The following TTN variants were observed in gnomAD, a reference collection of about 807,000 sequenced individuals.
TTN encodes titin.
TTN carries 1,525 observed loss-of-function variants against 3,223.0 expected under a neutral mutation model. The ratio of observed to expected loss-of-function variants is 0.47; its 90% CI spans 0.45 to 0.49. The LOEUF is 0.49. Ranked by LOEUF, TTN falls within the 20% of genes least tolerant of loss-of-function variation. The probability of loss-of-function intolerance (pLI) is 0.00; values close to 1 mark genes in which losing one functional copy is unlikely to be tolerated. For missense variants in TTN, 40,786 were observed against 43,424.0 expected (o/e 0.94, Z 5.40); for synonymous variants, 14,094 against 15,161.0 (o/e 0.93, Z 5.17).
In TTN at chr2:178,562,876, A is replaced by C. The variant is rs1704199409; in HGVS notation, c.83256T>G (p.Ser27752Arg). 6.2e-7 allele frequency: 1 copy of C among 1,613,142 alleles called. No homozygotes were observed. Among genetic ancestry groups the C allele is most frequent in the Non-Finnish European group, 8.5e-7 (1 of 1,179,598 alleles). The change falls in exon 326 of 363, where the codon AGT becomes AGG. Residue 27752 changes from serine (S) to arginine (R), a missense_variant. By Grantham distance (110) the Ser-to-Arg change is moderately radical (BLOSUM62 -1). Transcript: ENST00000589042. The part of the protein sequence containing the change: ...GRYNLTLENN[S>R]GSKTAFVNVR... ...CGTTAACAAAAGCTGTTTTGGAGCC[A>C]CTATTATTTTCTAATGTCAGATTAT...
chr2:178,672,165 A>T lies in TTN; in HGVS notation c.35033T>A (p.Ile11678Asn). 1 of 1,592,990 alleles carries T rather than the reference A, an allele frequency of 6.3e-7. No individual in the cohort carries two copies. Residue 11678 changes from isoleucine to asparagine, a missense_variant, in exon 155 of 363, where the codon ATT becomes AAT. By Grantham distance (149) the Ile-to-Asn change is moderately radical. Transcript: ENST00000589042. Reference sequence around the variant, plus strand: ...TTCATGGAACTCTTCTTCTTCCGGAATTTCTTCCACTTCTGCTTCTACTAC... The same window carrying T: ...TTCATGGAACTCTTCTTCTTCCGGATTTTCTTCCACTTCTGCTTCTACTAC... ...LEVVEAEVEEIPEEEEFHEVE... is the reference protein window; with the variant it reads ...LEVVEAEVEENPEEEEFHEVE...
At chr2:178,594,802 G>A (rs994664308) in intron 295 of TTN, among the ~76,000 whole-genome samples, 156 bp from the exon 296 acceptor site, 2 of 152,056 alleles carry the variant, frequency 1.3e-5, no homozygotes, top group African/African-American at 2.4e-5. Context: ...AACTATTAGA[G>A]TTAAAAAGGA....
At chr2:178,707,911 GTAACAC>G in intron 99 of TTN, 98 bp from the exon 100 acceptor site, 1 of 1,242,554 alleles carries the variant, frequency 8.0e-7, no homozygotes, top group Non-Finnish European at 1.1e-6. Context: ...CCTCTAACAG[GTAACAC>G]TGTTGCTGTA....
In TTN at chr2:178,767,876, G is replaced by A. The variant is rs1369897789; in HGVS notation, c.9354C>T (p.Ser3118=). The A allele has an allele frequency of 3.1e-6, 5 of 1,613,970 alleles. No homozygotes were observed. Among genetic ancestry groups the A allele is most frequent in the Middle Eastern group, 1.6e-4 (1 of 6,082 alleles). The change falls in exon 40 of 363, where the codon TCC becomes TCT. Residue 3118 remains serine (S), a synonymous_variant. Coordinates refer to ENST00000589042, the MANE Select transcript of TTN (RefSeq NM_001267550.2). The part of the protein sequence containing the change: ...EKYVHRLLIP[S]TRMSDAGKYT... The stretch of plus-strand genomic sequence containing the variant: ...ACTTCCCAGCATCAGACATCCGGGT[G>A]GATGGGATCAGAAGGCGGTGGACAT...
chr2:178,642,524 A>G (rs2061376714), intron 218 of TTN, among the ~76,000 whole-genome samples: 1 of 152,004 alleles, frequency 6.6e-6, no homozygotes, highest in Non-Finnish European at 1.5e-5. Flanking sequence ...ATGAAATTCA[A>G]CTCCATTAAC....
chr2:178,531,390 A>T lies in TTN; in HGVS notation c.105225T>A (p.Ala35075=), dbSNP rs769757318. The T allele has an allele frequency of 1.9e-6, 3 of 1,614,036 alleles. No homozygotes were observed. ...SSFKKTSEME[A]SSSVREVKSQ... ...ATTTCACTTCCCTGACAGAAGACGA[A>T]GCTTCCATCTCAGATGTTTTCTTAA... The change falls in exon 358 of 363, where the codon GCT becomes GCA. Residue 35075 remains alanine (A), a synonymous_variant. Transcript: ENST00000589042.
chr2:178,689,897 C>G lies in TTN; in HGVS notation c.31763-1G>C. The G allele has an allele frequency of 6.2e-7, 1 of 1,612,690 alleles. No individual in the cohort carries two copies. The highest frequency in any genetic ancestry group is 1.7e-5 in the Admixed American group (1 of 59,878). ...ACAGGTTTCTTTGGCACCTCTGGGA[C>G]TTAAAGTTTTTGAAACACAATGTTA... On this transcript the variant is annotated splice_acceptor_variant, in intron 121 of 362. Transcript: ENST00000589042. LOFTEE classifies it high-confidence loss of function.
Position 178,723,658 on chromosome 2 carries a change from C to T in TTN, c.21442G>A (p.Val7148Ile), listed in dbSNP as rs778943017. The T allele has an allele frequency of 3.1e-6, 5 of 1,604,946 alleles. No individual in the cohort carries two copies. The highest frequency in any genetic ancestry group is 1.7e-4 in the Middle Eastern group (1 of 5,998). ...AAGGTTACATTTTTGCCTGGTAGTA[C>T]TTCCAAAGGTTCAGGTTCTTTCACA... ...SFVKEPEPLE[V>I]LPGKNVTFTS... Residue 7148 changes from valine to isoleucine, a missense_variant, in exon 74 of 363, where the codon GTA becomes ATA. Physicochemically the swap from Val to Ile is conservative, Grantham distance 29. Transcript: ENST00000589042.
Position 178,735,977 on chromosome 2 carries a change from C to T in TTN, c.14469G>A (p.Val4823=). 6.2e-7 allele frequency: 1 copy of T among 1,613,818 alleles called. No individual in the cohort carries two copies. The highest frequency in any genetic ancestry group is 1.3e-5 in the African/African-American group (1 of 75,060). The stretch of plus-strand genomic sequence containing the variant: ...CATCTTTCTGCCAAATGGTTTCTAT[C>T]ACAGGAGTCCCTGTCACTGTGCAGA... ...KFICTVTGTP[V]IETIWQKDGA... Residue 4823 remains valine (V), a synonymous_variant, in exon 50 of 363, where the codon GTG becomes GTA. Coordinates refer to ENST00000589042, the MANE Select transcript of TTN (RefSeq NM_001267550.2).
intron 43 of TTN, among the ~76,000 whole-genome samples, chr2:178,761,802 T>G (rs1000407076): frequency 2.0e-5 from 3 of 152,218 alleles, no homozygotes; most frequent in Non-Finnish European, 4.4e-5. Context: ...ATTGCACAGA[T>G]GCTTAAATGA....
In TTN at chr2:178,663,636, G is replaced by C. The variant is rs369189634; in HGVS notation, c.36523C>G (p.Pro12175Ala). The change falls in exon 171 of 363, where the codon CCT (proline) becomes GCT (alanine). Residue 12175 changes from proline to alanine, a missense_variant. Transcript: ENST00000589042. ...VAPPKEPEVP[P>A]VKVPEAPKEV... ...AATCAGTGACAAATACCTTTAACAG[G>C]TGGGACTTCAGGCTCTTTAGGAGGA... The C allele has an allele frequency of 9.9e-6, 16 of 1,613,622 alleles. No individual in the cohort carries two copies. Among genetic ancestry groups the C allele is most frequent in the Non-Finnish European group, 1.4e-5 (16 of 1,179,750 alleles).
At chr2:178,806,745 G>A (rs1360583372) in intron 1 of TTN, among the ~76,000 whole-genome samples, 12 of 152,308 alleles carry the variant, frequency 7.9e-5, no homozygotes, top group Non-Finnish European at 1.8e-4. Flanking sequence ...GCAGGCAAGT[G>A]TTCTGTCACT....
Position 178,632,396 on chromosome 2 carries a change from G to A in TTN, c.43498C>T (p.Leu14500Phe). 6.3e-7 allele frequency: 1 copy of A among 1,592,380 alleles called. No individual in the cohort carries two copies. Among genetic ancestry groups the A allele is most frequent in the Non-Finnish European group, 8.5e-7 (1 of 1,170,686 alleles). ...LIIEGIRLKF[L>F]TPLKDVTAKE... The stretch of plus-strand genomic sequence containing the variant: ...GCAGTTACATCTTTGAGAGGGGTGA[G>A]GAATTTGAGCCGGATTCCTATCAAG... Residue 14500 changes from leucine to phenylalanine, a missense_variant, in exon 236 of 363, where the codon CTC becomes TTC. By Grantham distance (22) the Leu-to-Phe change is conservative. Coordinates refer to ENST00000589042, the MANE Select transcript of TTN (RefSeq NM_001267550.2).
chr2:178,558,230 G>A lies in TTN; in HGVS notation c.87124C>T (p.Pro29042Ser), dbSNP rs776067746. The A allele has an allele frequency of 8.1e-6, 13 of 1,603,784 alleles. No individual in the cohort carries two copies. The Admixed American group carries it at 2.1e-4, about 26-fold the overall frequency. ...GGGAAATTCTTCATATCAATTTCAG[G>A]TGGTTCTGAAAAATGAGTATAGAAA... ...PVLIKEQLEP[P>S]EIDMKNFPSH... is the part of the protein sequence containing the mutation. Residue 29042 changes from proline (P) to serine (S), a missense_variant, in exon 328 of 363, where the codon CCT becomes TCT. By Grantham distance (74) the Pro-to-Ser change is moderately conservative. Coordinates refer to ENST00000589042, the MANE Select transcript of TTN (RefSeq NM_001267550.2).
rs780512171 is a variant in TTN at position 178,564,379 on chromosome 2, A to G, written c.81753T>C (p.Ala27251=). The change falls in exon 326 of 363, where the codon GCT becomes GCC. Residue 27251 remains alanine, a synonymous_variant. Transcript: ENST00000589042. ...TATCAGATGGTTCACTAAAGTTTCC[A>G]GCTGCATTTCTTGCAATTACTCTAA... The part of the protein sequence containing the change: ...YEFRVIARNA[A]GNFSEPSDSS... 2.4e-5 allele frequency: 38 copies of G among 1,613,578 alleles called. No homozygotes were observed. The highest frequency in any genetic ancestry group is 3.4e-6 in the Non-Finnish European group (4 of 1,179,768).
chr2:178,550,905 A>C lies in TTN; in HGVS notation c.91564+62T>G, dbSNP rs1409957984. Reference sequence around the variant, plus strand: ...TTACCATTTTACAGGCCAGGGGCCAAATGTGTTTTTTAAAAATGTGAATGC... The same window carrying C: ...TTACCATTTTACAGGCCAGGGGCCACATGTGTTTTTTAAAAATGTGAATGC... On this transcript the variant is annotated intron_variant, in intron 336 of 362. Coordinates refer to ENST00000589042, the MANE Select transcript of TTN (RefSeq NM_001267550.2). 4.6e-6 allele frequency: 7 copies of C among 1,517,222 alleles called. No individual in the cohort carries two copies. In the Admixed American group the frequency reaches 9.8e-5, roughly 21 times the overall value. 94.0% of individuals were successfully genotyped at this position (1,517,222 alleles called of 1,614,324 possible).
rs1553478042 is a variant in TTN, at chr2:178,527,739, T to G, written c.107387A>C (p.Glu35796Ala). ...TASLMVLPLV[E>A]EPSREVVLRT... ...CAATACTACCTCTCTGGAAGGTTCTTCAACTAGAGCTGTGGAGCATAGCAG... is the reference window on the plus strand; with the variant it reads ...CAATACTACCTCTCTGGAAGGTTCTGCAACTAGAGCTGTGGAGCATAGCAG... Residue 35796 changes from glutamate to alanine, a missense_variant, in exon 362 of 363, where the codon GAA becomes GCA. Transcript: ENST00000589042. The G allele has an allele frequency of 6.3e-7, 1 of 1,596,178 alleles. No individual in the cohort carries two copies. The highest frequency in any genetic ancestry group is 1.3e-5 in the African/African-American group (1 of 74,692).
chr2:178,634,079 T>C lies in TTN; in HGVS notation c.42420A>G (p.Ile14140Met). 1.2e-6 allele frequency: 2 copies of C among 1,612,578 alleles called. No individual in the cohort carries two copies. The highest frequency in any genetic ancestry group is 1.7e-6 in the Non-Finnish European group (2 of 1,179,344). The stretch of plus-strand genomic sequence containing the variant: ...CAAGAGGTGACATGAATTTCAGTCT[T>C]ATACCTGAAATGCAAGCATAGATAA... ...KTSARLFVTGIRLKFMSPLED... is the reference protein window; with the variant it reads ...KTSARLFVTGMRLKFMSPLED... Residue 14140 changes from isoleucine to methionine, a missense_variant, in exon 231 of 363, where the codon ATA becomes ATG. Physicochemically the swap from Ile to Met is conservative, Grantham distance 10 (BLOSUM62 1). Coordinates refer to ENST00000589042, the MANE Select transcript of TTN (RefSeq NM_001267550.2). The surrounding 1 kb of genome is among the most constrained non-coding windows in gnomAD (Gnocchi z 4.6).
chr2:178,590,703 T>A lies in TTN; in HGVS notation c.61022A>T (p.Tyr20341Phe). The change falls in exon 304 of 363, where the codon TAT becomes TTT. Residue 20341 changes from tyrosine (Y) to phenylalanine (F), a missense_variant. By Grantham distance (22) the Tyr-to-Phe change is conservative. Coordinates refer to ENST00000589042, the MANE Select transcript of TTN (RefSeq NM_001267550.2). Reference sequence around the variant, plus strand: ...ATTTTCAGCAAAAACTCTAAACTCATATGTATTTCCTTCATAGAGTCCAGT... The same window carrying A: ...ATTTTCAGCAAAAACTCTAAACTCAAATGTATTTCCTTCATAGAGTCCAGT... ...RVTGLYEGNTYEFRVFAENLA... is the reference protein window; with the variant it reads ...RVTGLYEGNTFEFRVFAENLA... The A allele has an allele frequency of 1.2e-6, 2 of 1,613,104 alleles. No homozygotes were observed. Among genetic ancestry groups the A allele is most frequent in the Non-Finnish European group, 1.7e-6 (2 of 1,179,374 alleles).
Sources: gnomAD v4.1 joint callset for allele counts (sites outside exome capture counted in the v4.1 genomes callset) on GRCh38, gnomAD v4.1.1 for gene constraint, Gnocchi (gnomAD v3.1) non-coding constraint, MANE v1.5 for transcripts, NCBI Gene and HGNC (gene_info 2026-07-23, HGNC 2026-07-21) for gene names.